ZNF292: variants seen among roughly 807,000 people sequenced by gnomAD.
ZNF292 encodes the protein zinc finger protein 292.
A neutral mutation model predicts 217.9 loss-of-function variants in ZNF292; 26 were observed. The ratio of observed to expected loss-of-function variants is 0.12; its 90% CI spans 0.09 to 0.17. ZNF292 has a LOEUF of 0.17. Ranked by LOEUF, ZNF292 falls within the 10% of genes least tolerant of loss-of-function variation. The pLI, the probability that ZNF292 is intolerant of heterozygous loss-of-function variation, is 1.00. For missense variants in ZNF292, 2,904 were observed against 3,175.2 expected (o/e 0.91, Z 2.05); for synonymous variants, 1,257 against 1,124.1 (o/e 1.12, Z -2.37).
rs759956507 is a variant in ZNF292, at chr6:87,255,346, A to T, written c.1717A>T (p.Ile573Leu). 2 of 1,613,676 alleles carry T rather than the reference A, an allele frequency of 1.2e-6. No homozygotes were observed. Among genetic ancestry groups the T allele is most frequent in the Admixed American group, 3.3e-5 (2 of 59,944 alleles). The change falls in exon 8 of 8, where the codon ATA (isoleucine) becomes TTA (leucine). Residue 573 changes from isoleucine to leucine, a missense_variant. Transcript: ENST00000369577. The stretch of plus-strand genomic sequence containing the variant: ...CAAAGATGGAATTTATAGTTGCCCC[A>T]TATGTGCAAAGAACTTTAATTCTAA... Reference protein sequence around the residue: ...HYKDGIYSCPICAKNFNSKET... With the variant: ...HYKDGIYSCPLCAKNFNSKET...
chr6:87,259,921 G>A lies in ZNF292; in HGVS notation c.6292G>A (p.Val2098Ile). The A allele has an allele frequency of 2.5e-6, 4 of 1,613,606 alleles. No individual in the cohort carries two copies. The highest frequency in any genetic ancestry group is 2.2e-5 in the East Asian group (1 of 44,864). Residue 2098 changes from valine to isoleucine, a missense_variant, in exon 8 of 8, where the codon GTT (valine) becomes ATT (isoleucine). Val to Ile is a conservative substitution (Grantham distance 29). This residue lies in a region of ZNF292 where 261 missense variants were observed against 272.8 expected (regional missense o/e 0.96). Coordinates refer to ENST00000369577, the MANE Select transcript of ZNF292 (RefSeq NM_015021.3). ...EKEEKKRKKP[V>I]SQSLEFPTRY... is the part of the protein sequence containing the mutation. ...GGAGGAGAAAAAACGAAAGAAGCCA[G>A]TTTCCCAATCCCTTGAGTTTCCAAC...
chr6:87,222,397 A>G (rs1412423347), intron 4 of ZNF292, among the ~76,000 whole-genome samples: 1 of 152,124 alleles, frequency 6.6e-6, no homozygotes, highest in East Asian at 1.9e-4. Flanking sequence ...TTTTCTGTCT[A>G]AAGGATTTGG....
rs1422222730 is a variant in ZNF292, at chr6:87,265,179, A to T, written c.*3378A>T. 7.3e-5 allele frequency among the ~76,000 whole-genome samples: 11 copies of T among 151,552 alleles called. No homozygotes were observed. ...CCAGGCTGGAGTGCAGTGTTGCACG[A>T]TCTCGGCTTACTGCAACTTCTGCCT... On this transcript the variant is annotated 3_prime_UTR_variant, in exon 8 of 8. Transcript: ENST00000369577.
Position 87,256,843 on chromosome 6 carries a change from G to A in ZNF292, c.3214G>A (p.Ala1072Thr), listed in dbSNP as rs976462410. Residue 1072 changes from alanine (A) to threonine (T), a missense_variant, in exon 8 of 8, where the codon GCA (alanine) becomes ACA (threonine). This residue lies in a region of ZNF292 where 687 missense variants were observed against 623.0 expected (regional missense o/e 1.10). Coordinates refer to ENST00000369577, the MANE Select transcript of ZNF292 (RefSeq NM_015021.3). ...ACCTCTTAAGACATTAGAAAGTATT[G>A]CATTTGTTCCACCGCAGTCCGACCT... is the stretch of plus-strand genomic sequence containing the variant. ...NLPLKTLESI[A>T]FVPPQSDLSN... The A allele has an allele frequency of 3.1e-6, 5 of 1,613,574 alleles. No homozygotes were observed. Among genetic ancestry groups the A allele is most frequent in the Admixed American group, 1.7e-5 (1 of 59,958 alleles).
chr6:87,174,083 G>T, intron 1 of ZNF292: 1 of 201,658 alleles, frequency 5.0e-6, no homozygotes. Context: ...CACCTAAAAG[G>T]CTCTCAGAAT....
At chr6:87,214,624 A>G (rs1053136773) in intron 1 of ZNF292, among the ~76,000 whole-genome samples, 1 of 152,082 alleles carries the variant, frequency 6.6e-6, no homozygotes, top group Non-Finnish European at 1.5e-5. Context: ...CCCATCCTAC[A>G]TCCTGCACTG....
chr6:87,245,411 C>A, intron 6 of ZNF292, 92 bp from the exon 7 acceptor site: 2 of 934,066 alleles, frequency 2.1e-6, no homozygotes, highest in Non-Finnish European at 1.5e-6. Context: ...AATATAAAAC[C>A]AGTTTTAATT....
intron 3 of ZNF292, 61 bp downstream of exon 3, chr6:87,216,438 T>TA (rs929066604): frequency 1.6e-6 from 2 of 1,254,802 alleles, no homozygotes; most frequent in African/African-American, 1.5e-5. Flanking sequence ...TCCTTACTCT[T>TA]AAAAAAATTA....
In ZNF292 at chr6:87,243,475, A is replaced by G. The variant is rs1774415436; in HGVS notation, c.742A>G (p.Ile248Val). 4 of 1,543,190 alleles carry G rather than the reference A, an allele frequency of 2.6e-6. No homozygotes were observed. The highest frequency in any genetic ancestry group is 2.6e-6 in the Non-Finnish European group (3 of 1,145,350). ...ATATTTCTATTGGCTTTTTCTTTAG[A>G]TTTCAGAAGTTGATTGCAAAGATGC... is the stretch of plus-strand genomic sequence containing the variant. The part of the protein sequence containing the change: ...SSPNGKLIEE[I>V]SEVDCKDALE... The change falls in exon 6 of 8, where the codon ATT becomes GTT. Residue 248 changes from isoleucine to valine, a missense_variant and splice_region_variant. Ile to Val is a conservative substitution (Grantham distance 29). Coordinates refer to ENST00000369577, the MANE Select transcript of ZNF292 (RefSeq NM_015021.3).
intron 1 of ZNF292, among the ~76,000 whole-genome samples, chr6:87,191,665 T>G (rs1771826070): frequency 1.3e-5 from 2 of 152,306 alleles, no homozygotes; most frequent in South Asian, 4.1e-4. Context: ...CTTGTTGCTT[T>G]TATTTTATTT....
At chr6:87,205,481 G>A (rs913169306) in intron 1 of ZNF292, among the ~76,000 whole-genome samples, 1 of 151,598 alleles carries the variant, frequency 6.6e-6, no homozygotes, top group African/African-American at 2.4e-5. Flanking sequence ...TTCTTTGTGA[G>A]ACCATTTTAA....
rs1316406676 is a variant in ZNF292, at chr6:87,254,981, C to T, written c.1352C>T (p.Thr451Ile). The T allele has an allele frequency of 6.2e-7, 1 of 1,613,830 alleles. No individual in the cohort carries two copies. The highest frequency in any genetic ancestry group is 8.5e-7 in the Non-Finnish European group (1 of 1,179,842). Reference sequence around the variant, plus strand: ...GATCCAGAATTCTGGGATTGGAAAACCTTGAAACGACAATGTCTTGCATTA... The same window carrying T: ...GATCCAGAATTCTGGGATTGGAAAATCTTGAAACGACAATGTCTTGCATTA... ...PFDPEFWDWK[T>I]LKRQCLALMG... is the part of the protein sequence containing the mutation. Residue 451 changes from threonine (T) to isoleucine (I), a missense_variant, in exon 8 of 8, where the codon ACC becomes ATC. Thr to Ile is a moderately conservative substitution (Grantham distance 89, BLOSUM62 -1). Around this residue, in one of 15 missense-constraint regions of ZNF292, gnomAD observed 15 missense variants for 46.8 expected, o/e 0.32. Coordinates refer to ENST00000369577, the MANE Select transcript of ZNF292 (RefSeq NM_015021.3).
rs34821125 is a variant in ZNF292 at position 87,261,486 on chromosome 6, CAAA to C, written c.7861_7863del (p.Lys2621del). On this transcript the variant is annotated inframe_deletion, in exon 8 of 8. Coordinates refer to ENST00000369577, the MANE Select transcript of ZNF292 (RefSeq NM_015021.3). ...ACAAAGACCATCCGAATACTGGAAACAAAAAAGGATCCCATTCAAATTCAAGAA... is the reference window on the plus strand; with the variant it reads ...ACAAAGACCATCCGAATACTGGAAACAAAGGATCCCATTCAAATTCAAGAA... The C allele has an allele frequency of 3.7e-6, 6 of 1,603,824 alleles. No homozygotes were observed. Among genetic ancestry groups the C allele is most frequent in the Non-Finnish European group, 5.1e-6 (6 of 1,174,802 alleles).
At chr6:87,172,695 C>G (rs1211473079) in intron 1 of ZNF292, among the ~76,000 whole-genome samples, 2 of 151,962 alleles carry the variant, frequency 1.3e-5, no homozygotes, top group African/African-American at 4.8e-5. Context: ...TACTTGAGCC[C>G]AGGTGTTTGA....
chr6:87,192,756 C>T (rs1283220319), intron 1 of ZNF292, among the ~76,000 whole-genome samples: 1 of 152,160 alleles, frequency 6.6e-6, no homozygotes, highest in Non-Finnish European at 1.5e-5. Context: ...CTTATAGTAA[C>T]TGTATCACAG....
At chr6:87,209,546 C>T (rs551169066) in intron 1 of ZNF292, among the ~76,000 whole-genome samples, 5 of 152,266 alleles carry the variant, frequency 3.3e-5, no homozygotes, top group Non-Finnish European at 5.9e-5. Context: ...ACCTTTCAGT[C>T]GTGTACAGTG....
At chr6:87,166,661 C>CTTGTATAGCAT (rs1338905733) in intron 1 of ZNF292, among the ~76,000 whole-genome samples, 2 of 152,110 alleles carry the variant, frequency 1.3e-5, no homozygotes, top group East Asian at 3.8e-4. Context: ...TGTTATGTTG[C>CTTGTATAGCAT]TTGTATAGCA....
rs1582515918 is a variant in ZNF292, at chr6:87,256,122, C to T, written c.2493C>T (p.His831=). The change falls in exon 8 of 8, where the codon CAC becomes CAT. Residue 831 remains histidine, a synonymous_variant. Coordinates refer to ENST00000369577, the MANE Select transcript of ZNF292 (RefSeq NM_015021.3). ...QGELEKHLDD[H]STPPEKVLPP... is the part of the protein sequence containing the mutation. ...AGCTGGAAAAGCATCTGGATGATCA[C>T]AGTACTCCTCCTGAAAAAGTGCTGC... 2 of 1,613,654 alleles carry T rather than the reference C, an allele frequency of 1.2e-6. No individual in the cohort carries two copies. Among genetic ancestry groups the T allele is most frequent in the East Asian group, 2.2e-5 (1 of 44,874 alleles).
chr6:87,248,312 A>G (rs1774717455), intron 7 of ZNF292, among the ~76,000 whole-genome samples: 1 of 152,250 alleles, frequency 6.6e-6, no homozygotes, highest in Admixed American at 6.5e-5. Context: ...TCTTAGATGT[A>G]TCTTCATTTT....
Sources: gnomAD v4.1 joint callset for allele counts (sites outside exome capture counted in the v4.1 genomes callset) on GRCh38, gnomAD v4.1.1 for gene constraint, gnomAD v4.1.1 regional missense constraint, MANE v1.5 for transcripts, NCBI Gene and HGNC (gene_info 2026-07-23, HGNC 2026-07-21) for gene names.